Variants in SH3TC2 observed in about 807,000 individuals in gnomAD.
SH3TC2 encodes SH3 domain and tetratricopeptide repeats 2.
SH3TC2 carries 87 observed loss-of-function variants against 124.5 expected under a neutral mutation model. That is an observed-to-expected ratio of 0.70 (90% CI 0.59 to 0.84). The LOEUF is 0.84. SH3TC2 is among the 40% of genes least tolerant of loss of function. SH3TC2 has a pLI of 0.00. For missense variants in SH3TC2, 1,536 were observed against 1,566.4 expected, an observed-to-expected ratio of 0.98 and a Z score of 0.33; for synonymous variants, 634 against 628.5, an observed-to-expected ratio of 1.01 and a Z score of -0.13.
Position 149,000,878 on chromosome 5 carries a change from C to T in SH3TC2, c.*3833G>A, listed in dbSNP as rs1432763245. ...ATAAAAATATATTATTTCATCTCTCCAATACTATTTCTCATCCTATTCATA... is the reference window on the plus strand; with the variant it reads ...ATAAAAATATATTATTTCATCTCTCTAATACTATTTCTCATCCTATTCATA... On this transcript the variant is annotated 3_prime_UTR_variant, in exon 17 of 17. Coordinates refer to ENST00000515425, the MANE Select transcript of SH3TC2 (RefSeq NM_024577.4). Among the ~76,000 whole-genome samples the T allele has an allele frequency of 6.6e-6, 1 of 152,140 alleles. No homozygotes were observed. Among genetic ancestry groups the T allele is most frequent in the Admixed American group, 6.5e-5 (1 of 15,276 alleles).
Position 148,999,710 on chromosome 5 carries a change from G to A in SH3TC2, c.*5001C>T, listed in dbSNP as rs1352585085. On this transcript the variant is annotated 3_prime_UTR_variant, in exon 17 of 17. Coordinates refer to ENST00000515425, the MANE Select transcript of SH3TC2 (RefSeq NM_024577.4). ...TGGAGTGTTGTGTTGCAATCGCCAA[G>A]TCCTAATGTGTTTTCTACCTTCTCC... is the stretch of plus-strand genomic sequence containing the variant. Among the ~76,000 whole-genome samples, 1 of 152,208 alleles carries A rather than the reference G, an allele frequency of 6.6e-6. No homozygotes were observed. Among genetic ancestry groups the A allele is most frequent in the Admixed American group, 6.5e-5 (1 of 15,284 alleles).
At position 149,041,629 on chromosome 5, in the gene SH3TC2, GA is replaced by G; in HGVS notation, c.530-13del. ...GCAGAAGAAGTGGCCTGTGGATAAT[GA>G]GAAAAGCAATGGCTTTCTAAGGAGT... On this transcript the variant is annotated splice_polypyrimidine_tract_variant and intron_variant, in intron 5 of 16. Coordinates refer to ENST00000515425, the MANE Select transcript of SH3TC2 (RefSeq NM_024577.4). 1 of 1,614,004 alleles carries G rather than the reference GA, an allele frequency of 6.2e-7. No homozygotes were observed. Among genetic ancestry groups the G allele is most frequent in the Non-Finnish European group, 8.5e-7 (1 of 1,179,946 alleles).
Position 149,004,880 on chromosome 5 carries a change from T to A in SH3TC2, c.3698A>T (p.Tyr1233Phe). 6.2e-7 allele frequency: 1 copy of A among 1,614,120 alleles called. No homozygotes were observed. Among genetic ancestry groups the A allele is most frequent in the Non-Finnish European group, 8.5e-7 (1 of 1,179,986 alleles). ...QLKDAHDATEYFLLALAAAVL... is the reference protein window; with the variant it reads ...QLKDAHDATEFFLLALAAAVL... ...CGCTGCTGCCAGGGCCAGAAGGAAG[T>A]ACTCAGTGGCATCATGGGCATCCTA... Residue 1233 changes from tyrosine (Y) to phenylalanine (F), a missense_variant, in exon 17 of 17, where the codon TAC (tyrosine) becomes TTC (phenylalanine). By Grantham distance (22) the Tyr-to-Phe change is conservative. Around this residue, in one of 3 missense-constraint regions of SH3TC2, gnomAD observed 426 missense variants for 443.5 expected, o/e 0.96. Coordinates refer to ENST00000515425, the MANE Select transcript of SH3TC2 (RefSeq NM_024577.4).
At position 148,994,697 on chromosome 5, in the gene SH3TC2, AGGATGGAT is replaced by A. The variant is rs201323132; in HGVS notation, c.*10006_*10013del. Among the ~76,000 whole-genome samples the A allele has an allele frequency of 0.013, 1,888 of 144,824 alleles. 79 individuals carry two copies. In the East Asian group the frequency reaches 0.13, roughly 10 times the overall value. ...TTGGATAAATGAATGGATGGATGGA[AGGATGGAT>A]GGATGGATGGATGGATGGATGGATG... On this transcript the variant is annotated 3_prime_UTR_variant, in exon 17 of 17. Coordinates refer to ENST00000515425, the MANE Select transcript of SH3TC2 (RefSeq NM_024577.4).
At position 149,003,776 on chromosome 5, in the gene SH3TC2, C is replaced by T. The variant is rs945568452; in HGVS notation, c.*935G>A. On this transcript the variant is annotated 3_prime_UTR_variant, in exon 17 of 17. Coordinates refer to ENST00000515425, the MANE Select transcript of SH3TC2 (RefSeq NM_024577.4). ...TGACACTGGAGGATCACTTGAGCCC[C>T]GGAGTCTGAGGTCGCAGGAAGCCCT... 11 of 448,198 alleles carry T rather than the reference C, an allele frequency of 2.5e-5. No individual in the cohort carries two copies. Among genetic ancestry groups the T allele is most frequent in the African/African-American group, 8.2e-5 (4 of 48,514 alleles). 27.8% of individuals were successfully genotyped at this position (448,198 alleles called of 1,614,324 possible).
At position 149,004,783 on chromosome 5, in the gene SH3TC2, C is replaced by T. The variant is rs144873879; in HGVS notation, c.3795G>A (p.Leu1265=). The change falls in exon 17 of 17, where the codon CTG becomes CTA. Residue 1265 remains leucine, a synonymous_variant. Transcript: ENST00000515425. ...AGCACCCGGAGGGCCTGCTGTGCCA[C>T]AGGGGGCTCTGGCAGATGTTGTCCA... is the stretch of plus-strand genomic sequence containing the variant. ...SRLDNICQSP[L]WHSRPSGCSS... The T allele has an allele frequency of 1.1e-5, 17 of 1,614,148 alleles. No individual in the cohort carries two copies. In the East Asian group the frequency reaches 3.3e-4, roughly 32 times the overall value.
Position 149,031,464 on chromosome 5 carries a change from G to T in SH3TC2, c.1135+90C>A, listed in dbSNP as rs961484599. The T allele has an allele frequency of 5.8e-5, 91 of 1,567,232 alleles. 1 individual carries two copies. The highest frequency in any genetic ancestry group is 5.2e-4 in the Admixed American group (31 of 59,924). ...CCACCCAAATTCATGAATAGGATTA[G>T]AATTTAGGGGTATTCTATTCCTGGT... On this transcript the variant is annotated intron_variant, in intron 9 of 16. Coordinates refer to ENST00000515425, the MANE Select transcript of SH3TC2 (RefSeq NM_024577.4).
rs564861025 is a variant in SH3TC2 at position 148,998,697 on chromosome 5, G to A, written c.*6014C>T. ...TTGATCCTGCACCATGGCAGCTGGG[G>A]AGAATCCCCACCCCCTAAGCAGTCA... On this transcript the variant is annotated 3_prime_UTR_variant, in exon 17 of 17. Coordinates refer to ENST00000515425, the MANE Select transcript of SH3TC2 (RefSeq NM_024577.4). 1.1e-4 allele frequency among the ~76,000 whole-genome samples: 17 copies of A among 152,304 alleles called. No individual in the cohort carries two copies. The highest frequency in any genetic ancestry group is 4.1e-4 in the African/African-American group (17 of 41,564).
intron 16 of SH3TC2, among the ~76,000 whole-genome samples, 154 bp downstream of exon 16, chr5:149,006,727 C>T (rs572103479): frequency 6.6e-6 from 1 of 152,316 alleles, no homozygotes; most frequent in East Asian, 1.9e-4. Flanking sequence ...TCCATGTCCC[C>T]TGTAAAGCCA....
chr5:148,984,350 C>T lies in SH3TC2; in HGVS notation c.*20361G>A, dbSNP rs1037015186. Among the ~76,000 whole-genome samples, 5 of 151,876 alleles carry T rather than the reference C, an allele frequency of 3.3e-5. No homozygotes were observed. The highest frequency in any genetic ancestry group is 5.9e-5 in the Non-Finnish European group (4 of 68,000). On this transcript the variant is annotated 3_prime_UTR_variant, in exon 17 of 17. Transcript: ENST00000515425. ...TGAATTTTTCAGTTTATTCATTATACATTATAAATATATACAATTATTATT... is the reference window on the plus strand; with the variant it reads ...TGAATTTTTCAGTTTATTCATTATATATTATAAATATATACAATTATTATT...
chr5:149,026,613 C>T lies in SH3TC2; in HGVS notation c.3012G>A (p.Leu1004=), dbSNP rs777155441. 1 of 1,614,192 alleles carries T rather than the reference C, an allele frequency of 6.2e-7. No homozygotes were observed. The highest frequency in any genetic ancestry group is 2.2e-5 in the East Asian group (1 of 44,884). ...TCCGATAAAGCTGCCCCAGGGACTCCAGCAGCCTCCCTTCCATCTCCCGGT... is the reference window on the plus strand; with the variant it reads ...TCCGATAAAGCTGCCCCAGGGACTCTAGCAGCCTCCCTTCCATCTCCCGGT... ...LRDREMEGRL[L]ESLGQLYRNL... Residue 1004 remains leucine (L), a synonymous_variant, in exon 12 of 17, where the codon CTG becomes CTA. Transcript: ENST00000515425.
At chr5:149,056,295 G>A (rs1284071278) in intron 1 of SH3TC2, among the ~76,000 whole-genome samples, 2 of 151,990 alleles carry the variant, frequency 1.3e-5, no homozygotes, top group African/African-American at 4.8e-5. Flanking sequence ...CCCAGTGTCT[G>A]TTGTTTTCCT....
chr5:149,015,226 A>G (rs919342731), intron 12 of SH3TC2, among the ~76,000 whole-genome samples: 6 of 152,066 alleles, frequency 3.9e-5, no homozygotes, highest in Admixed American at 2.0e-4. Flanking sequence ...AAGACAACTG[A>G]CTCTCACCAA....
At chr5:149,005,875 A>T (rs1003118912) in intron 16 of SH3TC2, among the ~76,000 whole-genome samples, 6 of 152,176 alleles carry the variant, frequency 3.9e-5, no homozygotes, top group African/African-American at 1.4e-4. Flanking sequence ...AGGGACCTCT[A>T]GTAAAAGGAA....
chr5:149,042,572 G>C (rs1754389874), intron 5 of SH3TC2, 122 bp downstream of exon 5: 1 of 1,224,042 alleles, frequency 8.2e-7, no homozygotes, highest in East Asian at 2.3e-5. Flanking sequence ...TAACAGGTGG[G>C]TTCATTTGTG....
intron 2 of SH3TC2, 91 bp downstream of exon 2, chr5:149,052,051 A>G: frequency 1.1e-6 from 1 of 925,014 alleles, no homozygotes; most frequent in Non-Finnish European, 1.8e-6. Flanking sequence ...TCAAGAGGGA[A>G]AGAGGGAGGG....
At position 149,047,913 on chromosome 5, in the gene SH3TC2, C is replaced by T. The variant is rs1388489074; in HGVS notation, c.228G>A (p.Arg76=). The change falls in exon 3 of 17, where the codon AGG becomes AGA. Residue 76 remains arginine, a synonymous_variant. Coordinates refer to ENST00000515425, the MANE Select transcript of SH3TC2 (RefSeq NM_024577.4). ...CCTCATTCTCCAGTGCCCAGAGCCGCCTCCGAGCAGCTTCCTGTAGGGGTC... is the reference window on the plus strand; with the variant it reads ...CCTCATTCTCCAGTGCCCAGAGCCGTCTCCGAGCAGCTTCCTGTAGGGGTC... The part of the protein sequence containing the change: ...VNGPLQEAAR[R]RLWALENEDQ... The T allele has an allele frequency of 1.2e-6, 2 of 1,614,192 alleles. No individual in the cohort carries two copies. Among genetic ancestry groups the T allele is most frequent in the Non-Finnish European group, 1.7e-6 (2 of 1,180,036 alleles).
In SH3TC2 at chr5:148,992,752, T is replaced by C. The variant is rs531513957; in HGVS notation, c.*11959A>G. Among the ~76,000 whole-genome samples the C allele has an allele frequency of 6.6e-6, 1 of 152,030 alleles. No individual in the cohort carries two copies. Among genetic ancestry groups the C allele is most frequent in the Non-Finnish European group, 1.5e-5 (1 of 67,990 alleles). ...GACAGAACTAGGTTCAGACCCCAGATCACCTGACCCCAATCCCACTGCTCT... is the reference window on the plus strand; with the variant it reads ...GACAGAACTAGGTTCAGACCCCAGACCACCTGACCCCAATCCCACTGCTCT... On this transcript the variant is annotated 3_prime_UTR_variant, in exon 17 of 17. Transcript: ENST00000515425.
rs1311680851 is a variant in SH3TC2, at chr5:148,990,099, G to A, written c.*14612C>T. ...TTCTCTCATGGGTGAACCATCCTGG[G>A]GAAACTGAGATAGCCCCAAAGTAGG... On this transcript the variant is annotated 3_prime_UTR_variant, in exon 17 of 17. Coordinates refer to ENST00000515425, the MANE Select transcript of SH3TC2 (RefSeq NM_024577.4). Among the ~76,000 whole-genome samples, 2 of 151,954 alleles carry A rather than the reference G, an allele frequency of 1.3e-5. No homozygotes were observed. The highest frequency in any genetic ancestry group is 3.9e-4 in the East Asian group (2 of 5,166).
Sources: gnomAD v4.1 joint callset for allele counts (sites outside exome capture counted in the v4.1 genomes callset) on GRCh38, gnomAD v4.1.1 for gene constraint, gnomAD v4.1.1 regional missense constraint, MANE v1.5 for transcripts, NCBI Gene and HGNC (gene_info 2026-07-23, HGNC 2026-07-21) for gene names.